Variants in FBXL17 observed in about 807,000 individuals in gnomAD.
The protein encoded by FBXL17 is F-box/LRR-repeat protein 17.
FBXL17 carries 22 observed loss-of-function variants against 66.2 expected under a neutral mutation model. That is an observed-to-expected ratio of 0.33 (90% CI 0.24 to 0.47). FBXL17 has a LOEUF of 0.47. Among genes scored for constraint, FBXL17 ranks in the 20% least tolerant of loss-of-function variants. The pLI, the probability that FBXL17 is intolerant of heterozygous loss-of-function variation, is 1.00. For missense variants in FBXL17, 878 were observed against 948.2 expected (o/e 0.93, Z 0.97); for synonymous variants, 474 against 400.5 (o/e 1.18, Z -2.19).
At chr5:108,039,210 ATAGTGTTTCAAC>A (rs1187605602) in intron 6 of FBXL17, among the ~76,000 whole-genome samples, 1 of 152,004 alleles carries the variant, frequency 6.6e-6, no homozygotes, top group Non-Finnish European at 1.5e-5. Flanking sequence ...ACTGCTGAAA[ATAGTGTTTCAAC>A]TATGTAAATC....
At chr5:108,053,598 AAG>A (rs1334253411) in intron 6 of FBXL17, among the ~76,000 whole-genome samples, 1 of 152,202 alleles carries the variant, frequency 6.6e-6, no homozygotes, top group Non-Finnish European at 1.5e-5. Context: ...GCAATTATTA[AAG>A]TCAAGAAATA....
At chr5:108,097,202 C>T (rs1580435848) in intron 6 of FBXL17, among the ~76,000 whole-genome samples, 2 of 152,232 alleles carry the variant, frequency 1.3e-5, no homozygotes, top group South Asian at 2.1e-4. Context: ...CCTTTCTAGC[C>T]GCCTTGTGAA....
At chr5:108,207,573 T>C (rs1196009653) in intron 5 of FBXL17, among the ~76,000 whole-genome samples, 1 of 152,120 alleles carries the variant, frequency 6.6e-6, no homozygotes, top group Non-Finnish European at 1.5e-5. Context: ...AGTGAGAACA[T>C]GCAGTGATTG....
chr5:108,281,328 C>T (rs982451190), intron 4 of FBXL17, among the ~76,000 whole-genome samples: 4 of 151,822 alleles, frequency 2.6e-5, no homozygotes, highest in African/African-American at 9.7e-5. Context: ...TCTCAGGCCA[C>T]AGTAGAATAA....
chr5:108,277,661 A>C (rs1353581327), intron 4 of FBXL17, among the ~76,000 whole-genome samples: 1 of 152,232 alleles, frequency 6.6e-6, no homozygotes, highest in East Asian at 1.9e-4. Flanking sequence ...AGTAATTGGT[A>C]CAAAGAAAAT....
chr5:108,320,112 C>T (rs949745429), intron 4 of FBXL17, among the ~76,000 whole-genome samples: 1 of 151,734 alleles, frequency 6.6e-6, no homozygotes, highest in African/African-American at 2.4e-5. Context: ...TATTTCACCA[C>T]TCTAAAATTA....
intron 4 of FBXL17, among the ~76,000 whole-genome samples, chr5:108,342,947 G>T (rs548067231): frequency 4.6e-5 from 7 of 152,170 alleles, no homozygotes; most frequent in Non-Finnish European, 1.0e-4. Flanking sequence ...ATAGTATTAG[G>T]AAGTGGGATC....
At chr5:108,366,389 G>T (rs943898639) in intron 2 of FBXL17, among the ~76,000 whole-genome samples, 1 of 151,704 alleles carries the variant, frequency 6.6e-6, no homozygotes, top group Non-Finnish European at 1.5e-5. Context: ...TAGAATAGAA[G>T]GAAAGAACTA....
chr5:108,326,082 A>C (rs1378706801), intron 4 of FBXL17, among the ~76,000 whole-genome samples: 1 of 152,164 alleles, frequency 6.6e-6, no homozygotes, highest in Non-Finnish European at 1.5e-5. Flanking sequence ...AACAACTGAT[A>C]CTATCAGAAG....
intron 4 of FBXL17, among the ~76,000 whole-genome samples, chr5:108,307,287 G>C (rs1410097715): frequency 6.6e-6 from 1 of 151,968 alleles, no homozygotes; most frequent in Non-Finnish European, 1.5e-5. Flanking sequence ...ACTCTTTTGA[G>C]TATATGTAAA....
intron 4 of FBXL17, among the ~76,000 whole-genome samples, chr5:108,280,988 T>C (rs1245265077): frequency 6.6e-6 from 1 of 151,808 alleles, no homozygotes; most frequent in Non-Finnish European, 1.5e-5. Flanking sequence ...TAAATATATA[T>C]ATGCTCCCAA....
At chr5:108,162,213 C>G (rs1752243047) in intron 6 of FBXL17, among the ~76,000 whole-genome samples, 1 of 152,058 alleles carries the variant, frequency 6.6e-6, no homozygotes, top group East Asian at 1.9e-4. Context: ...CAATAAACAC[C>G]TGGGGCTGGG....
In FBXL17 at chr5:108,061,679, G is replaced by A. The variant is rs933693372; in HGVS notation, c.1746-40678C>T. Reference sequence around the variant, plus strand: ...CCACCATTACTCGTAACTGGATTATGACAAGAATGCACTAGTACCTATTTC... The same window carrying A: ...CCACCATTACTCGTAACTGGATTATAACAAGAATGCACTAGTACCTATTTC... On this transcript the variant is annotated intron_variant, in intron 6 of 8. Coordinates refer to ENST00000542267, the MANE Select transcript of FBXL17 (RefSeq NM_001163315.3). 9.2e-5 allele frequency among the ~76,000 whole-genome samples: 14 copies of A among 152,218 alleles called. 1 individual carries two copies. The highest frequency in any genetic ancestry group is 3.4e-4 in the African/African-American group (14 of 41,536).
intron 5 of FBXL17, among the ~76,000 whole-genome samples, chr5:108,219,749 G>A (rs1009077061): frequency 2.0e-5 from 3 of 151,890 alleles, no homozygotes; most frequent in African/African-American, 7.3e-5. Flanking sequence ...AATGCCTGTA[G>A]TATCTGTAGT....
intron 6 of FBXL17, among the ~76,000 whole-genome samples, chr5:108,161,445 C>T (rs149322361): frequency 0.022 from 3,385 of 152,194 alleles, 140 homozygotes; most frequent in African/African-American, 0.078. Flanking sequence ...GAGATCGTGC[C>T]ACTGCACTCC....
At chr5:108,182,018 C>T (rs557578117) in intron 6 of FBXL17, among the ~76,000 whole-genome samples, 1 of 152,194 alleles carries the variant, frequency 6.6e-6, no homozygotes, top group East Asian at 1.9e-4. Context: ...TAAATGAGAA[C>T]ACGTGTAAAG....
In FBXL17 at chr5:108,009,290, T is replaced by TAGATAGATAG. The variant is rs1287152827; in HGVS notation, c.1822+11634_1822+11635insCTATCTATCT. 3.1e-4 allele frequency among the ~76,000 whole-genome samples: 17 copies of TAGATAGATAG among 54,692 alleles called. 1 individual carries two copies. Among genetic ancestry groups the TAGATAGATAG allele is most frequent in the African/African-American group, 1.1e-3 (10 of 8,976 alleles). The allele number at this position is 54,692 out of a possible 152,430, so 35.9% of individuals were successfully genotyped here. On this transcript the variant is annotated intron_variant, in intron 7 of 8. Transcript: ENST00000542267. ...ATATATATATATATATATATATATATATATATATATACATATATACATACA... is the reference window on the plus strand; with the variant it reads ...ATATATATATATATATATATATATATAGATAGATAGATATATATATACATATATACATACA...
At chr5:108,038,267 A>T (rs1184680003) in intron 6 of FBXL17, among the ~76,000 whole-genome samples, 1 of 150,150 alleles carries the variant, frequency 6.7e-6, no homozygotes, top group African/African-American at 2.4e-5. Context: ...AGAAATTATT[A>T]TTACATTTGT....
intron 5 of FBXL17, among the ~76,000 whole-genome samples, chr5:108,219,773 T>A (rs573731002): frequency 1.3e-5 from 2 of 152,254 alleles, no homozygotes; most frequent in South Asian, 4.1e-4. Context: ...GTCAACCCTC[T>A]GAGCTATAAC....
Sources: allele counts gnomAD v4.1 joint callset (sites outside exome capture counted in the v4.1 genomes callset), GRCh38; gene constraint gnomAD v4.1.1; transcripts MANE v1.5; gene names NCBI Gene and HGNC (gene_info 2026-07-23, HGNC 2026-07-21).